NECTIN3: variants seen among roughly 807,000 people sequenced by gnomAD.
NECTIN3 encodes nectin-3.
A neutral mutation model predicts 49.4 loss-of-function variants in NECTIN3; 8 were observed. The observed-to-expected ratio is 0.16, with a 90% CI of 0.10 to 0.29. The LOEUF (loss-of-function observed/expected upper bound fraction) is 0.29. Ranked by LOEUF, NECTIN3 falls within the 10% of genes least tolerant of loss-of-function variation. The pLI is 1.00. For missense variants in NECTIN3, 581 were observed against 654.6 expected, an observed-to-expected ratio of 0.89 and a Z score of 1.23; for synonymous variants, 277 against 241.1, an observed-to-expected ratio of 1.15 and a Z score of -1.38.
chr3:111,137,481 C>T lies in NECTIN3; in HGVS notation c.*3266C>T. 1.0e-6 allele frequency: 1 copy of T among 952,990 alleles called. No homozygotes were observed. Among genetic ancestry groups the T allele is most frequent in the Non-Finnish European group, 1.2e-6 (1 of 816,338 alleles). 59.0% of individuals were successfully genotyped at this position (952,990 alleles called of 1,614,324 possible). On this transcript the variant is annotated 3_prime_UTR_variant, in exon 6 of 6. Coordinates refer to ENST00000485303, the MANE Select transcript of NECTIN3 (RefSeq NM_015480.3). ...TTTTGTTTTGTTTTTTCTTTTTTAA[C>T]CAACCTGTGTATTAGGTGTTAGCCC...
intron 2 of NECTIN3, among the ~76,000 whole-genome samples, chr3:111,116,791 G>C (rs2033705958): frequency 6.6e-6 from 1 of 152,060 alleles, no homozygotes; most frequent in South Asian, 2.1e-4. Flanking sequence ...TAAAATCTCA[G>C]TGGTATACCA....
intron 7 of NECTIN3, among the ~76,000 whole-genome samples, chr3:111,187,093 T>G (rs960834039): frequency 6.6e-6 from 1 of 152,180 alleles, no homozygotes; most frequent in Non-Finnish European, 1.5e-5. Context: ...CAAAATGGTA[T>G]AGATGCTTTG....
chr3:111,133,188 T>G (rs1409980607), intron 5 of NECTIN3, among the ~76,000 whole-genome samples: 2 of 151,998 alleles, frequency 1.3e-5, no homozygotes, highest in African/African-American at 4.8e-5. Context: ...AGAAAAACTT[T>G]AATTTTTTTA....
rs1479537294 is a variant in NECTIN3 at position 111,135,205 on chromosome 3, T to C, written c.*990T>C. ...TGTTGATGTTGTTCAAATGGGTAAA[T>C]GTACAGAAAGAAAATTTTAGAGTAA... On this transcript the variant is annotated 3_prime_UTR_variant, in exon 6 of 6. Transcript: ENST00000485303. 2 of 978,414 alleles carry C rather than the reference T, an allele frequency of 2.0e-6. No individual in the cohort carries two copies. Among genetic ancestry groups the C allele is most frequent in the Non-Finnish European group, 1.2e-6 (1 of 823,876 alleles). 60.6% of individuals were successfully genotyped at this position (978,414 alleles called of 1,614,324 possible). A position where few individuals can be genotyped will look rare whatever the true frequency, so the allele number is the denominator to read the frequency against.
chr3:111,167,381 A>C (rs527701716), intron 7 of NECTIN3, among the ~76,000 whole-genome samples: 1 of 152,306 alleles, frequency 6.6e-6, no homozygotes, highest in Non-Finnish European at 1.5e-5. Context: ...CTGAAACAAC[A>C]TGCAATTTAT....
At chr3:111,144,424 T>C (rs1042059056) in intron 5 of NECTIN3, among the ~76,000 whole-genome samples, 3 of 151,752 alleles carry the variant, frequency 2.0e-5, no homozygotes, top group African/African-American at 7.2e-5. Context: ...CAATGTCAAT[T>C]TTTTTTGATC....
chr3:111,153,419 CAT>C (rs1259925372), intron 7 of NECTIN3, among the ~76,000 whole-genome samples: 1 of 151,840 alleles, frequency 6.6e-6, no homozygotes, highest in East Asian at 1.9e-4. Context: ...ACAGATGTAA[CAT>C]GTGAAGTATA....
upstream of NECTIN3, among the ~76,000 whole-genome samples, chr3:111,191,215 C>G (rs893264512): frequency 2.0e-5 from 3 of 152,146 alleles, no homozygotes; most frequent in Non-Finnish European, 4.4e-5. Flanking sequence ...CACTATTTAC[C>G]ACTTACCAGT....
intron 1 of NECTIN3, among the ~76,000 whole-genome samples, chr3:111,111,607 A>G (rs2033463070): frequency 1.3e-5 from 2 of 152,182 alleles, no homozygotes; most frequent in Non-Finnish European, 2.9e-5. Context: ...GAATCCAGGC[A>G]TGATGTAACT....
intron 1 of NECTIN3, among the ~76,000 whole-genome samples, chr3:111,082,696 C>T (rs1479774836): frequency 1.3e-5 from 2 of 152,070 alleles, no homozygotes; most frequent in Non-Finnish European, 2.9e-5. Context: ...GGGTTAGGGG[C>T]AGTGAATGGT....
intron 1 of NECTIN3, among the ~76,000 whole-genome samples, chr3:111,086,646 A>C (rs572841091): frequency 2.0e-5 from 3 of 152,328 alleles, no homozygotes; most frequent in Admixed American, 6.5e-5. Flanking sequence ...AGAGCTTTAT[A>C]ATAGATCCTC....
At chr3:111,119,425 G>A (rs960327920) in intron 3 of NECTIN3, among the ~76,000 whole-genome samples, 5 of 152,114 alleles carry the variant, frequency 3.3e-5, no homozygotes, top group African/African-American at 7.2e-5. Flanking sequence ...TCCGCCTCCC[G>A]GGTTCAAGTG....
chr3:111,158,327 C>T (rs558506569), intron 7 of NECTIN3, among the ~76,000 whole-genome samples: 1 of 152,122 alleles, frequency 6.6e-6, no homozygotes, highest in Non-Finnish European at 1.5e-5. Flanking sequence ...AGCTTTATGA[C>T]GATTCCTAGT....
chr3:111,142,504 T>G (rs1284276581), downstream of NECTIN3, among the ~76,000 whole-genome samples: 2 of 151,862 alleles, frequency 1.3e-5, no homozygotes, highest in African/African-American at 4.8e-5. Context: ...ATTATAAGAC[T>G]AGTGTGACAA....
At position 111,146,787 on chromosome 3, in the gene NECTIN3, T is replaced by C. The variant is rs1335061742; in HGVS notation, c.1140-616T>C. On this transcript the variant is annotated intron_variant, in intron 6 of 8. Coordinates refer to the NECTIN3 transcript ENST00000493615. ...AAAATGCAGAGAGCTATAAGGTATA[T>C]TAAAACTATCTTTGTTATAAGTAAA... is the stretch of plus-strand genomic sequence containing the variant. Among the ~76,000 whole-genome samples the C allele has an allele frequency of 4.6e-5, 7 of 152,262 alleles. No homozygotes were observed. In the East Asian group the frequency reaches 1.4e-3, roughly 29 times the overall value.
chr3:111,125,077 A>G (rs1324770966), intron 4 of NECTIN3, among the ~76,000 whole-genome samples: 1 of 127,832 alleles, frequency 7.8e-6, no homozygotes, highest in African/African-American at 3.0e-5. Context: ...CACCCAGGCT[A>G]GAGTGCAGTA....
At chr3:111,184,564 CT>C (rs1443517377) in intron 7 of NECTIN3, among the ~76,000 whole-genome samples, 1 of 152,146 alleles carries the variant, frequency 6.6e-6, no homozygotes, top group Non-Finnish European at 1.5e-5. Flanking sequence ...GCCAAATAAA[CT>C]TCTATTGTTT....
chr3:111,189,713 C>G (rs998153933), upstream of NECTIN3, among the ~76,000 whole-genome samples: 4 of 152,170 alleles, frequency 2.6e-5, no homozygotes, highest in African/African-American at 9.7e-5. Context: ...CTACATAATT[C>G]CTGAGGCACA....
At chr3:111,119,690 A>T (rs1305219424) in intron 3 of NECTIN3, among the ~76,000 whole-genome samples, 1 of 152,172 alleles carries the variant, frequency 6.6e-6, no homozygotes, top group Admixed American at 6.5e-5. Context: ...TTAGTGTTTA[A>T]TACATTCTTT....
Sources: allele counts gnomAD v4.1 joint callset (sites outside exome capture counted in the v4.1 genomes callset), GRCh38; gene constraint gnomAD v4.1.1; transcripts MANE v1.5; gene names NCBI Gene and HGNC (gene_info 2026-07-23, HGNC 2026-07-21).